The following DENND5B variants were observed in gnomAD, a reference collection of about 807,000 sequenced individuals.
DENND5B encodes DENN domain-containing protein 5B.
DENND5B carries 34 observed loss-of-function variants against 140.6 expected under a neutral mutation model. The observed-to-expected ratio is 0.24, with a 90% CI of 0.18 to 0.32. DENND5B has a LOEUF of 0.32. Ranked by LOEUF, DENND5B falls within the 10% of genes least tolerant of loss-of-function variation. The pLI is 1.00. For synonymous variants in DENND5B, 551 were observed against 562.1 expected (o/e 0.98, Z 0.28); for missense variants, 1,142 against 1,560.2 (o/e 0.73, Z 4.52).
intron 3 of DENND5B, among the ~76,000 whole-genome samples, chr12:31,461,085 TTTTTC>T (rs1274579191): frequency 6.9e-6 from 1 of 145,936 alleles, no homozygotes; most frequent in Non-Finnish European, 1.5e-5. Flanking sequence ...CCATTTTTCT[TTTTTC>T]TTTTGTTTTG....
chr12:31,565,364 G>GA (rs1488407464), intron 1 of DENND5B, among the ~76,000 whole-genome samples: 2 of 152,108 alleles, frequency 1.3e-5, no homozygotes, highest in Non-Finnish European at 2.9e-5. Context: ...ACAAAAAAAC[G>GA]AAAGAAAAGA....
chr12:31,437,146 C>CT (rs56299943), intron 7 of DENND5B, among the ~76,000 whole-genome samples: 5 of 145,050 alleles, frequency 3.4e-5, no homozygotes, highest in African/African-American at 1.0e-4. Flanking sequence ...CTGCCCCCCC[C>CT]TTTTTTTTTT....
chr12:31,468,592 G>A (rs980566291), intron 3 of DENND5B, among the ~76,000 whole-genome samples: 3 of 151,528 alleles, frequency 2.0e-5, no homozygotes, highest in Non-Finnish European at 4.4e-5. Context: ...GGATCGCTTG[G>A]ACCCAGGAGT....
At chr12:31,481,024 T>C (rs1023729060) in intron 2 of DENND5B, among the ~76,000 whole-genome samples, 4 of 152,154 alleles carry the variant, frequency 2.6e-5, no homozygotes, top group African/African-American at 9.7e-5. Context: ...AATTGATTCT[T>C]TAAAACATTT....
At chr12:31,558,457 A>T (rs550614820) in intron 1 of DENND5B, among the ~76,000 whole-genome samples, 18 of 152,350 alleles carry the variant, frequency 1.2e-4, no homozygotes, top group Admixed American at 4.6e-4. Flanking sequence ...TCCAGGGCTT[A>T]ACAGAAAAAT....
intron 7 of DENND5B, among the ~76,000 whole-genome samples, chr12:31,435,430 T>C (rs1343810154): frequency 6.6e-6 from 1 of 152,176 alleles, no homozygotes; most frequent in African/African-American, 2.4e-5. Context: ...GCTCCATTAG[T>C]CACCTCCTTT....
intron 7 of DENND5B, among the ~76,000 whole-genome samples, chr12:31,441,172 G>A (rs1333853348): frequency 2.0e-5 from 3 of 152,022 alleles, no homozygotes; most frequent in Admixed American, 6.6e-5. Flanking sequence ...GCAAAATCCT[G>A]TCTCTATAAA....
chr12:31,455,681 A>G (rs10506073), intron 4 of DENND5B, among the ~76,000 whole-genome samples: 23,925 of 152,132 alleles, frequency 0.16, 2,201 homozygotes, highest in East Asian at 0.25. Flanking sequence ...TCTACTGATC[A>G]ACACTGCTCA....
chr12:31,521,014 T>C (rs1419669314), intron 1 of DENND5B, among the ~76,000 whole-genome samples: 1 of 152,164 alleles, frequency 6.6e-6, no homozygotes, highest in Admixed American at 6.5e-5. Context: ...TCATTTCATT[T>C]TGAACTAGTC....
chr12:31,533,015 C>G (rs914698363), intron 1 of DENND5B, among the ~76,000 whole-genome samples: 6 of 152,208 alleles, frequency 3.9e-5, no homozygotes, highest in Admixed American at 3.3e-4. Flanking sequence ...TGGACTACAT[C>G]ACCTGCAGTT....
chr12:31,511,477 T>C (rs923431797), intron 1 of DENND5B, among the ~76,000 whole-genome samples: 2 of 151,958 alleles, frequency 1.3e-5, no homozygotes, highest in African/African-American at 4.8e-5. Flanking sequence ...AACAGTAAGG[T>C]TCAAGATAAA....
intron 1 of DENND5B, among the ~76,000 whole-genome samples, chr12:31,555,278 G>A (rs1054058972): frequency 3.9e-5 from 6 of 152,180 alleles, no homozygotes; most frequent in Non-Finnish European, 7.3e-5. Flanking sequence ...TTACAGACAG[G>A]ACCCTCAGCT....
At chr12:31,524,415 G>A (rs1948013718) in intron 1 of DENND5B, among the ~76,000 whole-genome samples, 1 of 152,168 alleles carries the variant, frequency 6.6e-6, no homozygotes, top group Admixed American at 6.5e-5. Context: ...CACTTTGGGA[G>A]GCTGAGGTGG....
chr12:31,435,007 A>G (rs1190778310), intron 7 of DENND5B, among the ~76,000 whole-genome samples: 1 of 152,164 alleles, frequency 6.6e-6, no homozygotes, highest in African/African-American at 2.4e-5. Context: ...TGTTATGAAC[A>G]TAAATTCTGC....
chr12:31,548,213 G>A (rs1023613172), intron 1 of DENND5B, among the ~76,000 whole-genome samples: 2 of 151,834 alleles, frequency 1.3e-5, no homozygotes, highest in Non-Finnish European at 2.9e-5. Flanking sequence ...GCAACAAAGT[G>A]AAACCCCACC....
Position 31,387,582 on chromosome 12 carries a change from G to A in DENND5B, c.*21C>T. On this transcript the variant is annotated 3_prime_UTR_variant, in exon 21 of 21. Coordinates refer to ENST00000389082, the MANE Select transcript of DENND5B (RefSeq NM_144973.4). ...TTGGGGAAGGAGCAAGGTTTGGACT[G>A]AGAGTTTCTAGCCAGTTGGGTTACA... 1 of 1,607,548 alleles carries A rather than the reference G, an allele frequency of 6.2e-7. No homozygotes were observed. The highest frequency in any genetic ancestry group is 2.2e-5 in the East Asian group (1 of 44,732).
chr12:31,588,590 A>G (rs1222044668), intron 1 of DENND5B, among the ~76,000 whole-genome samples: 3 of 152,226 alleles, frequency 2.0e-5, no homozygotes, highest in Non-Finnish European at 4.4e-5. Context: ...TAATCTAGAG[A>G]TGACAAAGTG....
chr12:31,394,090 C>G (rs1417030671), intron 17 of DENND5B, among the ~76,000 whole-genome samples: 1 of 152,110 alleles, frequency 6.6e-6, no homozygotes, highest in Non-Finnish European at 1.5e-5. Flanking sequence ...ATACCATGGC[C>G]TCTTGTTCCT....
chr12:31,476,876 T>C (rs566339200), intron 3 of DENND5B, among the ~76,000 whole-genome samples: 49 of 152,312 alleles, frequency 3.2e-4, no homozygotes, highest in Middle Eastern at 3.4e-3. Flanking sequence ...CATAAATAAA[T>C]TGAACTTCAA....
Sources: allele counts gnomAD v4.1 joint callset (sites outside exome capture counted in the v4.1 genomes callset), GRCh38; gene constraint gnomAD v4.1.1; transcripts MANE v1.5; gene names NCBI Gene and HGNC (gene_info 2026-07-23, HGNC 2026-07-21).